The following MAB21L3 variants were observed in gnomAD, a reference collection of about 807,000 sequenced individuals.
MAB21L3 encodes protein mab-21-like 3.
Under a neutral mutation model 37.7 loss-of-function variants are expected in MAB21L3, and 36 were observed. That is an observed-to-expected ratio of 0.96 (90% CI 0.73 to 1.26). The LOEUF (loss-of-function observed/expected upper bound fraction) is 1.26. Ranked by LOEUF, MAB21L3 falls within the 50% of genes most tolerant of loss-of-function variation. MAB21L3 has a pLI of 0.00. For missense variants in MAB21L3, 430 were observed against 447.3 expected (o/e 0.96, Z 0.35); for synonymous variants, 186 against 176.8 (o/e 1.05, Z -0.41).
rs1659833566 is a variant in MAB21L3, at chr1:116,124,273, AT to A, written c.398del (p.Ile133ThrfsTer12). On this transcript the variant is annotated frameshift_variant, in exon 5 of 8. Transcript: ENST00000369500. LOFTEE classifies it high-confidence loss of function. The part of the protein sequence containing the change: ...LWQWHETDVN[I>X]DGDIVPAKVL... The stretch of plus-strand genomic sequence containing the variant: ...GCAGTGGCATGAGACAGATGTGAAC[AT>A]CGACGGAGACATTGTGCCTGCCAAG... 2.5e-6 allele frequency: 4 copies of A among 1,614,188 alleles called. No individual in the cohort carries two copies. Among genetic ancestry groups the A allele is most frequent in the Non-Finnish European group, 3.4e-6 (4 of 1,180,026 alleles).
chr1:116,120,211 T>C (rs1479248626), intron 3 of MAB21L3, among the ~76,000 whole-genome samples: 2 of 152,152 alleles, frequency 1.3e-5, no homozygotes, highest in East Asian at 3.8e-4. Flanking sequence ...CTTAGAGCAT[T>C]GCCTACGTCA....
chr1:116,126,499 G>C (rs1464734394), intron 5 of MAB21L3, among the ~76,000 whole-genome samples: 2 of 152,114 alleles, frequency 1.3e-5, no homozygotes, highest in Non-Finnish European at 2.9e-5. Flanking sequence ...TCTGAGGCTC[G>C]GCTGGCTGAA....
In MAB21L3 at chr1:116,128,159, C is replaced by T. The variant is rs1557933355; in HGVS notation, c.675C>T (p.Asn225=). ...CTTTCTTCCAGTCGTTTGGATTTAACTTGTTGGCCTGTTCAAATTATCACT... is the reference window on the plus strand; with the variant it reads ...CTTTCTTCCAGTCGTTTGGATTTAATTTGTTGGCCTGTTCAAATTATCACT... ...RVECIKSFGF[N]LLACSNYHWQ... is the part of the protein sequence containing the mutation. The change falls in exon 7 of 8, where the codon AAC becomes AAT. Residue 225 remains asparagine, a synonymous_variant. Coordinates refer to ENST00000369500, the MANE Select transcript of MAB21L3 (RefSeq NM_152367.3). 2.6e-6 allele frequency: 4 copies of T among 1,547,564 alleles called. No homozygotes were observed. Among genetic ancestry groups the T allele is most frequent in the Middle Eastern group, 1.7e-4 (1 of 5,794 alleles).
Position 116,127,532 on chromosome 1 carries a change from T to C in MAB21L3, c.548T>C (p.Val183Ala), listed in dbSNP as rs1249719693. Reference protein sequence around the residue: ...WVAVETSAYQVELELVPAVEI... With the variant: ...WVAVETSAYQAELELVPAVEI... ...GCTGTGGAAACATCTGCATATCAGG[T>C]GGAACTGGAGCTGGTCCCCGCAGTG... The change falls in exon 6 of 8, where the codon GTG becomes GCG. Residue 183 changes from valine to alanine, a missense_variant. Transcript: ENST00000369500. 6.2e-7 allele frequency: 1 copy of C among 1,614,120 alleles called. No homozygotes were observed.
chr1:116,115,528 A>C (rs2101608037), intron 3 of MAB21L3, among the ~76,000 whole-genome samples: 1 of 152,288 alleles, frequency 6.6e-6, no homozygotes, highest in East Asian at 1.9e-4. Context: ...TCTGGAAGGA[A>C]GTCCTCAGCC....
chr1:116,118,418 G>C (rs542504773), intron 3 of MAB21L3, among the ~76,000 whole-genome samples: 28 of 151,686 alleles, frequency 1.8e-4, no homozygotes, highest in Non-Finnish European at 3.5e-4. Flanking sequence ...GCTTACCTCT[G>C]TCTTCACTTG....
chr1:116,120,733 G>A (rs1659723487), intron 3 of MAB21L3, among the ~76,000 whole-genome samples, 199 bp from the exon 4 acceptor site: 1 of 152,136 alleles, frequency 6.6e-6, no homozygotes, highest in African/African-American at 2.4e-5. Context: ...TTACAGAAAA[G>A]AACATTGAGG....
At chr1:116,132,312 G>T (rs1358015552) in intron 7 of MAB21L3, among the ~76,000 whole-genome samples, 2 of 152,180 alleles carry the variant, frequency 1.3e-5, no homozygotes, top group Non-Finnish European at 2.9e-5. Context: ...GTAAAAGCCT[G>T]CCAGGGAGGC....
At chr1:116,125,360 C>T (rs1659874220) in intron 5 of MAB21L3, among the ~76,000 whole-genome samples, 1 of 152,186 alleles carries the variant, frequency 6.6e-6, no homozygotes, top group African/African-American at 2.4e-5. Flanking sequence ...AAGAATTGTG[C>T]ACCAGGATAT....
At chr1:116,129,818 C>T (rs559794018) in intron 7 of MAB21L3, among the ~76,000 whole-genome samples, 152 of 152,322 alleles carry the variant, frequency 1.0e-3, no homozygotes, top group Non-Finnish European at 1.7e-3. Flanking sequence ...CCTTGCTTCA[C>T]CTTCTTATCT....
At chr1:116,124,423 T>TG in intron 5 of MAB21L3, 66 bp downstream of exon 5, 4 of 1,454,436 alleles carry the variant, frequency 2.8e-6, no homozygotes, top group Non-Finnish European at 3.7e-6. Flanking sequence ...ATAAAACCTC[T>TG]GTTTGGGTGT....
chr1:116,117,468 A>G (rs1278189731), intron 3 of MAB21L3, among the ~76,000 whole-genome samples: 3 of 152,074 alleles, frequency 2.0e-5, no homozygotes, highest in Non-Finnish European at 4.4e-5. Flanking sequence ...GCTGGAAGAT[A>G]TAGCCCACTG....
rs117793796 is a variant in MAB21L3, at chr1:116,123,908, C to T, written c.190-158C>T. ...AGTAGCAGAACAAAGAGGTAATCCA[C>T]TTGTAACACCCAGGTCGAGGTCTCC... On this transcript the variant is annotated intron_variant, in intron 4 of 7. Coordinates refer to ENST00000369500, the MANE Select transcript of MAB21L3 (RefSeq NM_152367.3). 2.2e-4 allele frequency: 144 copies of T among 655,926 alleles called. No individual in the cohort carries two copies. In the East Asian group the frequency reaches 3.7e-3, roughly 17 times the overall value. The allele number at this position is 655,926 out of a possible 1,614,324, so 40.6% of individuals were successfully genotyped here. A position where few individuals can be genotyped will look rare whatever the true frequency, so the allele number is the denominator to read the frequency against.
chr1:116,118,402 G>A (rs1337257511), intron 3 of MAB21L3, among the ~76,000 whole-genome samples: 1 of 151,900 alleles, frequency 6.6e-6, no homozygotes, highest in Admixed American at 6.6e-5. Context: ...AATTCTTGGA[G>A]GAGTTGCTTA....
Position 116,133,360 on chromosome 1 carries a change from C to G in MAB21L3, c.1084C>G (p.Pro362Ala). 1 of 1,613,968 alleles carries G rather than the reference C, an allele frequency of 6.2e-7. No homozygotes were observed. The change falls in exon 8 of 8, where the codon CCC becomes GCC. Residue 362 changes from proline (P) to alanine (A), a missense_variant. Coordinates refer to ENST00000369500, the MANE Select transcript of MAB21L3 (RefSeq NM_152367.3). ...TFLKNPQIGPP is the reference protein window; with the variant it reads ...TFLKNPQIGPA ...CCTGAAGAACCCCCAGATCGGCCCG[C>G]CCTGATGGTTGCCCCGGCCTGGGAG...
intron 6 of MAB21L3, 78 bp downstream of exon 6, chr1:116,127,722 T>A (rs1659949818): frequency 2.8e-6 from 4 of 1,423,346 alleles, no homozygotes; most frequent in Admixed American, 5.1e-5. Flanking sequence ...TGACTGCCAA[T>A]GAGTTTCCGA....
At position 116,138,124 on chromosome 1, in the gene MAB21L3, T is replaced by TA. The variant is rs552844194; in HGVS notation, c.*4770dup. On this transcript the variant is annotated 3_prime_UTR_variant, in exon 8 of 8. Transcript: ENST00000369500. ...TGTACCCTAAAACTTAAAGTATGAT[T>TA]AAAAAAAAAAAGTACTGTAACCAAA... is the stretch of plus-strand genomic sequence containing the variant. Among the ~76,000 whole-genome samples the TA allele has an allele frequency of 3.1e-3, 458 of 145,772 alleles. 2 individuals carry two copies. The highest frequency in any genetic ancestry group is 4.9e-3 in the Admixed American group (72 of 14,650).
Position 116,137,648 on chromosome 1 carries a change from T to G in MAB21L3, c.*4283T>G, listed in dbSNP as rs1660222288. 6.6e-6 allele frequency among the ~76,000 whole-genome samples: 1 copy of G among 151,200 alleles called. No homozygotes were observed. Among genetic ancestry groups the G allele is most frequent in the African/African-American group, 2.5e-5 (1 of 40,816 alleles). On this transcript the variant is annotated 3_prime_UTR_variant, in exon 8 of 8. Coordinates refer to ENST00000369500, the MANE Select transcript of MAB21L3 (RefSeq NM_152367.3). ...GGGTATATACCCAAAGGACTATAAA[T>G]CATGCTGCTATAAAGACACATGCAC...
At position 116,137,948 on chromosome 1, in the gene MAB21L3, T is replaced by G; in HGVS notation, c.*4583T>G. Among the ~76,000 whole-genome samples, 1 of 125,904 alleles carries G rather than the reference T, an allele frequency of 7.9e-6. No individual in the cohort carries two copies. Among genetic ancestry groups the G allele is most frequent in the African/African-American group, 3.1e-5 (1 of 32,270 alleles). The allele number at this position is 125,904 out of a possible 152,430, so 82.6% of individuals were successfully genotyped here. A position where few individuals can be genotyped will look rare whatever the true frequency, so the allele number is the denominator to read the frequency against. ...TGAGAACACATGGACACATTAAGGG[T>G]AACATCACACTCTGGGGACTGTTGT... On this transcript the variant is annotated 3_prime_UTR_variant, in exon 8 of 8. Coordinates refer to ENST00000369500, the MANE Select transcript of MAB21L3 (RefSeq NM_152367.3).
Sources: gnomAD v4.1 joint callset for allele counts (sites outside exome capture counted in the v4.1 genomes callset) on GRCh38, gnomAD v4.1.1 for gene constraint, MANE v1.5 for transcripts, NCBI Gene and HGNC (gene_info 2026-07-23, HGNC 2026-07-21) for gene names.